The following GSE1 variants were observed in gnomAD, a reference collection of about 807,000 sequenced individuals.
GSE1 encodes genetic suppressor element 1.
In GSE1, 32 loss-of-function variants were observed where a neutral mutation model predicts 112.6. The ratio of observed to expected loss-of-function variants is 0.28; its 90% confidence interval spans 0.21 to 0.38. The LOEUF is 0.38. Among genes scored for constraint, GSE1 ranks in the 10% least tolerant of loss-of-function variants. The pLI is 1.00. For synonymous variants in GSE1, 1,115 were observed against 735.6 expected (o/e 1.52, Z -8.35); for missense variants, 2,348 against 1,699.2 (o/e 1.38, Z -6.71).
At chr16:85,226,773 G>A (rs1414316318) in intron 1 of GSE1, among the ~76,000 whole-genome samples, 2 of 99,786 alleles carry the variant, frequency 2.0e-5, no homozygotes, top group Non-Finnish European at 4.5e-5. Context: ...GTGTGTGTGT[G>A]TGTGTGTGTG....
At chr16:85,631,365 C>T (rs891756083) in intron 1 of GSE1, among the ~76,000 whole-genome samples, 1 of 152,236 alleles carries the variant, frequency 6.6e-6, no homozygotes, top group East Asian at 1.9e-4. Context: ...CTGTGGGTCA[C>T]CTTTTCCCGG....
chr16:85,556,407 G>GC, intron 1 of GSE1: 4 of 951,600 alleles, frequency 4.2e-6, no homozygotes, highest in Non-Finnish European at 3.8e-6. Context: ...CGGCGCCGGC[G>GC]CGCCCGGGAC....
intron 1 of GSE1, among the ~76,000 whole-genome samples, chr16:85,241,665 C>T: frequency 6.6e-6 from 1 of 152,200 alleles, no homozygotes; most frequent in Non-Finnish European, 1.5e-5. Flanking sequence ...GGGATTCAAA[C>T]TCAGGTCTGC....
chr16:85,482,957 GAC>G (rs1273526174), intron 2 of GSE1, among the ~76,000 whole-genome samples: 1 of 139,082 alleles, frequency 7.2e-6, no homozygotes, highest in East Asian at 2.0e-4. Flanking sequence ...CAGCCAGGAT[GAC>G]AGAGTGAGAC....
At chr16:85,511,601 T>A (rs1042051465) in intron 2 of GSE1, among the ~76,000 whole-genome samples, 1 of 151,866 alleles carries the variant, frequency 6.6e-6, no homozygotes, top group African/African-American at 2.4e-5. Flanking sequence ...GTATGTGAAC[T>A]TATTTGGAAA....
chr16:85,559,048 G>A (rs1288896497), intron 1 of GSE1, among the ~76,000 whole-genome samples: 1 of 152,126 alleles, frequency 6.6e-6, no homozygotes, highest in Admixed American at 6.5e-5. Flanking sequence ...AGTAGAGATG[G>A]GGTTTCGCCA....
At chr16:85,171,744 G>C (rs1442576800) in exon 1 of GSE1, 4 of 985,478 alleles carry the variant, frequency 4.1e-6, no homozygotes, top group Middle Eastern at 5.2e-4. Context: ...TGGTGTGTGC[G>C]GGCCAAGGGC....
chr16:85,560,128 C>CTTTTTTTTTTTTT (rs377241566), intron 1 of GSE1, among the ~76,000 whole-genome samples: 2 of 99,162 alleles, frequency 2.0e-5, no homozygotes, highest in Admixed American at 1.4e-4. Context: ...TCTTCTTCTT[C>CTTTTTTTTTTTTT]TTTTTTTTTT....
At chr16:85,173,205 G>T (rs1446386666) in intron 1 of GSE1, among the ~76,000 whole-genome samples, 1 of 152,186 alleles carries the variant, frequency 6.6e-6, no homozygotes, top group Non-Finnish European at 1.5e-5. Flanking sequence ...TTACCATGGC[G>T]CTGCGAGGCC....
chr16:85,237,706 C>T (rs1222167839), intron 1 of GSE1, among the ~76,000 whole-genome samples: 1 of 151,906 alleles, frequency 6.6e-6, no homozygotes. Context: ...GGGGTGGTGG[C>T]GGGCGCCTGT....
chr16:85,235,244 ACCCCCCGGCCGCCT>A (rs1005944434), intron 1 of GSE1, among the ~76,000 whole-genome samples: 5 of 150,632 alleles, frequency 3.3e-5, no homozygotes, highest in Non-Finnish European at 7.4e-5. Context: ...CAAGCTCCCA[ACCCCCCGGCCGCCT>A]CTGGCTGCCA....
intron 1 of GSE1, among the ~76,000 whole-genome samples, chr16:85,304,607 G>GC (rs1337376878): frequency 1.6e-5 from 2 of 123,872 alleles, no homozygotes; most frequent in East Asian, 2.8e-4. Context: ...GGGGCGGGGG[G>GC]GTGGGGCATC....
At position 85,259,799 on chromosome 16, in the gene GSE1, G is replaced by A. The variant is rs546866713; in HGVS notation, c.2283+87992G>A. 2.5e-4 allele frequency among the ~76,000 whole-genome samples: 38 copies of A among 152,336 alleles called. No homozygotes were observed. In the South Asian group the frequency reaches 4.6e-3, roughly 18 times the overall value. ...CCCCACCCCTGCACGACATCCTGCAGTGATGGGCGCATGGGGCATGGCACT... is the reference window on the plus strand; with the variant it reads ...CCCCACCCCTGCACGACATCCTGCAATGATGGGCGCATGGGGCATGGCACT... On this transcript the variant is annotated intron_variant, in intron 1 of 2. Coordinates refer to the GSE1 transcript ENST00000637419.
chr16:85,499,533 C>T (rs1468184448), intron 2 of GSE1, among the ~76,000 whole-genome samples: 1 of 151,934 alleles, frequency 6.6e-6, no homozygotes, highest in East Asian at 1.9e-4. Flanking sequence ...GTCTCGATCT[C>T]CTGGCCTTGT....
intron 2 of GSE1, among the ~76,000 whole-genome samples, chr16:85,444,922 C>T (rs1017609320): frequency 1.2e-4 from 18 of 152,340 alleles, no homozygotes; most frequent in African/African-American, 3.6e-4. Context: ...CTGGCTGTGC[C>T]TCCCCCGCCT....
At chr16:85,510,913 A>T (rs573352604) in intron 2 of GSE1, among the ~76,000 whole-genome samples, 1 of 152,302 alleles carries the variant, frequency 6.6e-6, no homozygotes, top group African/African-American at 2.4e-5. Flanking sequence ...TCCTTTATCC[A>T]AAAGCAGCCA....
intron 2 of GSE1, among the ~76,000 whole-genome samples, chr16:85,514,425 G>C (rs1260829554): frequency 9.7e-6 from 1 of 102,592 alleles, no homozygotes; most frequent in African/African-American, 4.5e-5. Flanking sequence ...ATGCTCTCGA[G>C]TCCCCCCCCC....
chr16:85,506,967 C>T (rs978465859), intron 2 of GSE1, among the ~76,000 whole-genome samples: 3 of 152,182 alleles, frequency 2.0e-5, no homozygotes, highest in African/African-American at 4.8e-5. Flanking sequence ...TGCACGCCAC[C>T]CCGCAAGCTT....
intron 1 of GSE1, among the ~76,000 whole-genome samples, chr16:85,351,345 A>T (rs546457523): frequency 6.6e-6 from 1 of 152,362 alleles, no homozygotes; most frequent in Admixed American, 6.5e-5. Flanking sequence ...GGGTTTACAC[A>T]CTACAACATG....
Sources: gnomAD v4.1 joint callset for allele counts (sites outside exome capture counted in the v4.1 genomes callset) on GRCh38, gnomAD v4.1.1 for gene constraint, MANE v1.5 for transcripts, NCBI Gene and HGNC (gene_info 2026-07-23, HGNC 2026-07-21) for gene names.